Variants in MTHFD1L observed in about 807,000 individuals in gnomAD.
The protein encoded by MTHFD1L is methylenetetrahydrofolate dehydrogenase (NADP+ dependent) 1 like.
Under a neutral mutation model 119.5 loss-of-function variants are expected in MTHFD1L, and 81 were observed. That is an observed-to-expected ratio of 0.68 (90% CI 0.57 to 0.82). The LOEUF (loss-of-function observed/expected upper bound fraction) is 0.82, where lower values mean the gene tolerates loss of function less well. Among genes scored for constraint, MTHFD1L ranks in the 40% least tolerant of loss-of-function variants. MTHFD1L has a pLI of 0.00. For synonymous variants in MTHFD1L, 430 were observed against 475.2 expected (o/e 0.90, Z 1.24); for missense variants, 1,125 against 1,253.4 (o/e 0.90, Z 1.55).
At chr6:150,963,675 A>G (rs896365233) in intron 18 of MTHFD1L, among the ~76,000 whole-genome samples, 2 of 152,220 alleles carry the variant, frequency 1.3e-5, no homozygotes, top group African/African-American at 4.8e-5. Context: ...CTACCACTGC[A>G]TCTGTTAGCG....
At chr6:151,017,441 G>A (rs1320253994) in intron 24 of MTHFD1L, among the ~76,000 whole-genome samples, 2 of 151,870 alleles carry the variant, frequency 1.3e-5, no homozygotes, top group African/African-American at 4.8e-5. Context: ...TCTGCTCTCG[G>A]GTTCAAGCAA....
chr6:151,064,058 T>A (rs1034279158), intron 26 of MTHFD1L, among the ~76,000 whole-genome samples: 1 of 152,176 alleles, frequency 6.6e-6, no homozygotes, highest in Non-Finnish European at 1.5e-5. Flanking sequence ...AACTCACAGA[T>A]TGAGAGCTTC....
intron 27 of MTHFD1L, among the ~76,000 whole-genome samples, chr6:151,093,518 G>T (rs891331405): frequency 1.3e-5 from 2 of 152,082 alleles, no homozygotes; most frequent in African/African-American, 4.8e-5. Context: ...TTAGCTGGGC[G>T]TGTTGGTGGG....
In MTHFD1L at chr6:150,918,655, C is replaced by G; in HGVS notation, c.971C>G (p.Ala324Gly). ...GATGATGTGATTCTCCTTGCTGCAGCTCTGCGAATTCAGGTTTGTTCAACA... is the reference window on the plus strand; with the variant it reads ...GATGATGTGATTCTCCTTGCTGCAGGTCTGCGAATTCAGGTTTGTTCAACA... Reference protein sequence around the residue: ...EEDDVILLAAALRIQNMVSSG... With the variant: ...EEDDVILLAAGLRIQNMVSSG... The change falls in exon 9 of 28, where the codon GCT becomes GGT. Residue 324 changes from alanine (A) to glycine (G), a missense_variant. Physicochemically the swap from Ala to Gly is moderately conservative, Grantham distance 60 (BLOSUM62 0). Around this residue, in one of 3 missense-constraint regions of MTHFD1L, gnomAD observed 1,058 missense variants for 1,151.2 expected, o/e 0.92. Coordinates refer to ENST00000367321, the MANE Select transcript of MTHFD1L (RefSeq NM_015440.5). 6.2e-7 allele frequency: 1 copy of G among 1,613,916 alleles called. No homozygotes were observed. The highest frequency in any genetic ancestry group is 8.5e-7 in the Non-Finnish European group (1 of 1,179,794).
intron 26 of MTHFD1L, among the ~76,000 whole-genome samples, chr6:151,073,594 A>G (rs1433881858): frequency 4.6e-5 from 7 of 152,360 alleles, no homozygotes; most frequent in Middle Eastern, 3.4e-3. Flanking sequence ...TTAAGAAACT[A>G]GAAGAAGGAT....
At chr6:151,020,233 G>C (rs1374903340) in intron 24 of MTHFD1L, among the ~76,000 whole-genome samples, 4 of 152,226 alleles carry the variant, frequency 2.6e-5, no homozygotes, top group African/African-American at 4.8e-5. Flanking sequence ...ATGGGAAATA[G>C]TGCTAGAGCC....
intron 3 of MTHFD1L, 42 bp downstream of exon 3, chr6:150,877,726 C>CA: frequency 6.2e-7 from 1 of 1,614,152 alleles, no homozygotes; most frequent in Non-Finnish European, 8.5e-7. Context: ...TAACTTTTAA[C>CA]AATACATTCT....
chr6:151,058,840 AT>A lies in MTHFD1L; in HGVS notation c.2847+21731del, dbSNP rs551028974. Among the ~76,000 whole-genome samples, 426 of 152,120 alleles carry A rather than the reference AT, an allele frequency of 2.8e-3. 2 individuals carry two copies. The highest frequency in any genetic ancestry group is 9.4e-3 in the African/African-American group (392 of 41,506). ...AGGCATGTGCCGCCACGCCAGGCTAATTTTTTTTGTATTTTTAATAGAGACG... is the reference window on the plus strand; with the variant it reads ...AGGCATGTGCCGCCACGCCAGGCTAATTTTTTTGTATTTTTAATAGAGACG... On this transcript the variant is annotated intron_variant, in intron 26 of 27. Coordinates refer to ENST00000367321, the MANE Select transcript of MTHFD1L (RefSeq NM_015440.5).
intron 26 of MTHFD1L, among the ~76,000 whole-genome samples, chr6:151,087,726 TTC>T (rs1190070601): frequency 1.3e-5 from 2 of 152,252 alleles, no homozygotes; most frequent in African/African-American, 4.8e-5. Context: ...TATATGACTA[TTC>T]TCTCTGTACA....
intron 26 of MTHFD1L, among the ~76,000 whole-genome samples, chr6:151,067,703 T>C (rs1396793083): frequency 6.6e-6 from 1 of 152,252 alleles, no homozygotes; most frequent in African/African-American, 2.4e-5. Flanking sequence ...TAAACATAAA[T>C]GTAGATGGGT....
chr6:151,046,864 C>T (rs1788172198), intron 26 of MTHFD1L, among the ~76,000 whole-genome samples: 2 of 151,870 alleles, frequency 1.3e-5, no homozygotes, highest in Non-Finnish European at 2.9e-5. Context: ...TAGTGGGAAG[C>T]CTGAATAAAA....
At chr6:151,078,165 G>A (rs761187964) in intron 26 of MTHFD1L, among the ~76,000 whole-genome samples, 1 of 151,046 alleles carries the variant, frequency 6.6e-6, no homozygotes, top group South Asian at 2.1e-4. Context: ...TACCCCTAGC[G>A]CCCTTTTTCT....
intron 8 of MTHFD1L, among the ~76,000 whole-genome samples, chr6:150,913,256 G>A (rs1787251235): frequency 6.6e-6 from 1 of 152,014 alleles, no homozygotes; most frequent in South Asian, 2.1e-4. Flanking sequence ...CGCCTCCCGG[G>A]TTCACGCCAT....
intron 17 of MTHFD1L, among the ~76,000 whole-genome samples, chr6:150,958,163 T>G (rs1795915726): frequency 6.6e-6 from 1 of 152,212 alleles, no homozygotes; most frequent in Non-Finnish European, 1.5e-5. Flanking sequence ...TAGATATTTT[T>G]AAGTAAAAAG....
intron 11 of MTHFD1L, among the ~76,000 whole-genome samples, chr6:150,929,152 T>A (rs1257571098): frequency 6.6e-6 from 1 of 152,150 alleles, no homozygotes; most frequent in Admixed American, 6.6e-5. Context: ...GGCTCCGGGG[T>A]CTCTGAGTTT....
intron 19 of MTHFD1L, among the ~76,000 whole-genome samples, chr6:150,965,674 G>A (rs1460453837): frequency 2.7e-5 from 3 of 111,046 alleles, no homozygotes; most frequent in Non-Finnish European, 6.5e-5. Context: ...AAAAAAAAAA[G>A]AGAAAGTCAA....
At chr6:150,978,199 C>T (rs907896697) in intron 20 of MTHFD1L, among the ~76,000 whole-genome samples, 4 of 151,938 alleles carry the variant, frequency 2.6e-5, no homozygotes. Flanking sequence ...CACCTGGCCA[C>T]CTTTTTTTTT....
intron 19 of MTHFD1L, among the ~76,000 whole-genome samples, chr6:150,967,307 C>G (rs1265373005): frequency 1.3e-5 from 2 of 152,208 alleles, no homozygotes; most frequent in Admixed American, 6.5e-5. Context: ...CCTTGTCTTC[C>G]TTCAGGAGCA....
At chr6:150,907,192 A>G (rs1311491249) in intron 8 of MTHFD1L, among the ~76,000 whole-genome samples, 2 of 152,214 alleles carry the variant, frequency 1.3e-5, no homozygotes, top group African/African-American at 2.4e-5. Flanking sequence ...TTTGGCAGTC[A>G]TGGCTGGAGA....
Sources: allele counts gnomAD v4.1 joint callset (sites outside exome capture counted in the v4.1 genomes callset), GRCh38; gene constraint gnomAD v4.1.1; regional missense constraint gnomAD v4.1.1; transcripts MANE v1.5; gene names NCBI Gene and HGNC (gene_info 2026-07-23, HGNC 2026-07-21).